BCAS3: variants seen among roughly 807,000 people sequenced by gnomAD.
The protein encoded by BCAS3 is BCAS3 microtubule associated cell migration factor.
BCAS3 carries 53 observed loss-of-function variants against 116.1 expected under a neutral mutation model. The ratio of observed to expected loss-of-function variants is 0.46; its 90% CI spans 0.37 to 0.57. The LOEUF (loss-of-function observed/expected upper bound fraction) is 0.57, where lower values mean the gene tolerates loss of function less well. Ranked by LOEUF, BCAS3 falls within the 20% of genes least tolerant of loss-of-function variation. The pLI is 0.00. For synonymous variants in BCAS3, 391 were observed against 408.2 expected (o/e 0.96, Z 0.51); for missense variants, 917 against 1,165.4 (o/e 0.79, Z 3.10).
chr17:60,847,910 A>G (rs1194437003), intron 7 of BCAS3, among the ~76,000 whole-genome samples: 1 of 152,190 alleles, frequency 6.6e-6, no homozygotes, highest in Non-Finnish European at 1.5e-5. Context: ...CTGAGAATCA[A>G]TTGCCAAATT....
At position 61,243,862 on chromosome 17, in the gene BCAS3, T is replaced by TG. The variant is rs2047721334; in HGVS notation, c.2426-124464dup. On this transcript the variant is annotated intron_variant, in intron 22 of 23. Transcript: ENST00000407086. This position sits in a 1 kb window ranked among gnomAD's most constrained non-coding sequence, Gnocchi z 5.6. ...GTGCGCTGGTATGACCATAGGTCTC[T>TG]GCAGCCTCAAACTCCTAGGCTCAAG... 6.6e-6 allele frequency among the ~76,000 whole-genome samples: 1 copy of TG among 152,208 alleles called. No individual in the cohort carries two copies. Among genetic ancestry groups the TG allele is most frequent in the South Asian group, 2.1e-4 (1 of 4,832 alleles).
chr17:61,065,365 C>G lies in BCAS3; in HGVS notation c.2030-9555C>G, dbSNP rs922663024. On this transcript the variant is annotated intron_variant, in intron 19 of 23. Transcript: ENST00000407086. This position sits in a 1 kb window ranked among gnomAD's most constrained non-coding sequence, Gnocchi z 4.8. ...TTCATCCTTATATCCTGAGTGCTTT[C>G]TGATCAGAAACAGAGTTTGGTAAAT... Among the ~76,000 whole-genome samples the G allele has an allele frequency of 6.6e-6, 1 of 152,134 alleles. No homozygotes were observed. Among genetic ancestry groups the G allele is most frequent in the Admixed American group, 6.5e-5 (1 of 15,274 alleles).
At chr17:60,976,579 C>T (rs2145374716) in intron 14 of BCAS3, among the ~76,000 whole-genome samples, 1 of 151,932 alleles carries the variant, frequency 6.6e-6, no homozygotes, top group Non-Finnish European at 1.5e-5. Flanking sequence ...AGGCAGAGGG[C>T]CCTGCCGCCT....
chr17:61,362,274 T>C lies in BCAS3; in HGVS notation c.2426-6053T>C, dbSNP rs1346861532. Among the ~76,000 whole-genome samples, 2 of 152,230 alleles carry C rather than the reference T, an allele frequency of 1.3e-5. No individual in the cohort carries two copies. The highest frequency in any genetic ancestry group is 6.5e-5 in the Admixed American group (1 of 15,282). On this transcript the variant is annotated intron_variant, in intron 22 of 23. Transcript: ENST00000407086. The surrounding 1 kb of genome is among the most constrained non-coding windows in gnomAD (Gnocchi z 4.4). The stretch of plus-strand genomic sequence containing the variant: ...GCCTGGGATCATTTCTTAGTTATTG[T>C]AGACGTCATCATCACAACCTCTCAC...
chr17:60,754,980 A>G (rs762326353), intron 6 of BCAS3, among the ~76,000 whole-genome samples: 5 of 152,210 alleles, frequency 3.3e-5, no homozygotes, highest in South Asian at 4.1e-4. Context: ...ACTTGTGATC[A>G]TTTAGGTTTT....
At chr17:61,246,493 A>G (rs752062578) in intron 22 of BCAS3, among the ~76,000 whole-genome samples, 2 of 150,674 alleles carry the variant, frequency 1.3e-5, no homozygotes, top group Non-Finnish European at 2.9e-5. Flanking sequence ...AAAAAAAAAA[A>G]AAAAGATTTA....
chr17:60,792,350 A>C (rs1041784104), intron 6 of BCAS3, among the ~76,000 whole-genome samples: 6 of 152,204 alleles, frequency 3.9e-5, no homozygotes, highest in African/African-American at 1.4e-4. Context: ...TGCCATAGCC[A>C]GCATGCCTGG....
chr17:60,877,337 G>A (rs182146028), intron 9 of BCAS3, among the ~76,000 whole-genome samples: 52 of 152,162 alleles, frequency 3.4e-4, no homozygotes, highest in Admixed American at 2.9e-3. Context: ...TATCTCTCTC[G>A]TATCTGCAGT....
At chr17:61,166,368 AT>A (rs746578687) in intron 22 of BCAS3, among the ~76,000 whole-genome samples, 2 of 101,020 alleles carry the variant, frequency 2.0e-5, no homozygotes, top group Non-Finnish European at 4.2e-5. Flanking sequence ...TTTTATTATT[AT>A]TGTTACTCTC....
At chr17:60,874,593 T>G in intron 8 of BCAS3, 69 bp from the exon 9 acceptor site, 1 of 1,121,160 alleles carries the variant, frequency 8.9e-7, no homozygotes, top group Non-Finnish European at 1.3e-6. Flanking sequence ...ATAATGCATT[T>G]CTGATTCCAC....
chr17:60,996,068 C>T (rs1314962233), intron 15 of BCAS3, among the ~76,000 whole-genome samples: 1 of 152,162 alleles, frequency 6.6e-6, no homozygotes, highest in Admixed American at 6.5e-5. Context: ...GGCTGAAGCA[C>T]ATGGTGTAAG....
chr17:60,726,463 G>C (rs1482771170), intron 5 of BCAS3, among the ~76,000 whole-genome samples: 1 of 151,366 alleles, frequency 6.6e-6, no homozygotes, highest in Non-Finnish European at 1.5e-5. Flanking sequence ...GCCTCCCAAA[G>C]TGCTGGGATT....
Position 61,064,000 on chromosome 17 carries a change from C to T in BCAS3, c.2030-10920C>T, listed in dbSNP as rs566980381. ...TCACCATTCTTCTACCCAAGCTTGACTGTAAATTTGACATTTGTTCTTACT... is the reference window on the plus strand; with the variant it reads ...TCACCATTCTTCTACCCAAGCTTGATTGTAAATTTGACATTTGTTCTTACT... On this transcript the variant is annotated intron_variant, in intron 19 of 23. Transcript: ENST00000407086. The surrounding 1 kb of genome is among the most constrained non-coding windows in gnomAD (Gnocchi z 5.3). 6.6e-6 allele frequency among the ~76,000 whole-genome samples: 1 copy of T among 152,330 alleles called. No homozygotes were observed. Among genetic ancestry groups the T allele is most frequent in the East Asian group, 1.9e-4 (1 of 5,184 alleles).
intron 7 of BCAS3, among the ~76,000 whole-genome samples, chr17:60,816,831 G>A (rs1051650844): frequency 2.0e-5 from 3 of 152,158 alleles, no homozygotes; most frequent in Non-Finnish European, 4.4e-5. Flanking sequence ...GCTCATTGGC[G>A]CTAGAGTGAC....
intron 19 of BCAS3, among the ~76,000 whole-genome samples, chr17:61,052,715 C>CTTT (rs60772345): frequency 1.0e-4 from 13 of 124,972 alleles, no homozygotes; most frequent in East Asian, 2.4e-4. Flanking sequence ...TTCTTTCTTT[C>CTTT]TTTTTTTTTT....
chr17:60,952,054 G>T (rs184101187), intron 14 of BCAS3, among the ~76,000 whole-genome samples: 81 of 152,028 alleles, frequency 5.3e-4, no homozygotes, highest in African/African-American at 1.8e-3. Flanking sequence ...TTACAGGCAT[G>T]AGCCACTGCA....
intron 18 of BCAS3, among the ~76,000 whole-genome samples, chr17:61,039,920 G>A (rs2067369252): frequency 6.6e-6 from 1 of 152,118 alleles, no homozygotes; most frequent in African/African-American, 2.4e-5. Flanking sequence ...AGATTCAAAG[G>A]TTTCTCTGAA....
chr17:60,794,218 G>A (rs548453617), intron 6 of BCAS3, among the ~76,000 whole-genome samples: 1 of 152,096 alleles, frequency 6.6e-6, no homozygotes, highest in Non-Finnish European at 1.5e-5. Context: ...TTTGAGAACT[G>A]TCTATTCATG....
chr17:61,176,256 G>A (rs2144144721), intron 22 of BCAS3, among the ~76,000 whole-genome samples: 1 of 148,554 alleles, frequency 6.7e-6, no homozygotes, highest in East Asian at 2.0e-4. Context: ...AGATGTATAT[G>A]GTTATTTAAT....
Sources: gnomAD v4.1 joint callset for allele counts (sites outside exome capture counted in the v4.1 genomes callset) on GRCh38, gnomAD v4.1.1 for gene constraint, Gnocchi (gnomAD v3.1) non-coding constraint, MANE v1.5 for transcripts, NCBI Gene and HGNC (gene_info 2026-07-23, HGNC 2026-07-21) for gene names.